CYP2D6: variants seen among roughly 807,000 people sequenced by gnomAD.
The protein encoded by CYP2D6 is cytochrome P450 2D6.
CYP2D6 carries 51 observed loss-of-function variants against 43.5 expected under a neutral mutation model. The observed-to-expected ratio is 1.17, with a 90% CI of 0.94 to 1.48. The LOEUF (loss-of-function observed/expected upper bound fraction) is 1.48, where lower values mean the gene tolerates loss of function less well. Ranked by LOEUF, CYP2D6 falls within the 40% of genes most tolerant of loss-of-function variation. CYP2D6 has a pLI of 0.00. For synonymous variants in CYP2D6, 346 were observed against 297.1 expected, an observed-to-expected ratio of 1.16 and a Z score of -1.69; for missense variants, 698 against 688.0, an observed-to-expected ratio of 1.01 and a Z score of -0.16.
intron 2 of CYP2D6, 181 bp from the exon 3 acceptor site, chr22:42,129,366 C>A: frequency 1.1e-6 from 1 of 928,754 alleles, no homozygotes; most frequent in Non-Finnish European, 1.7e-6. Flanking sequence ...TTTGCCCCAC[C>A]TCGTCTCTGC....
chr22:42,128,094 C>G, intron 5 of CYP2D6, 80 bp downstream of exon 5: 1 of 1,584,848 alleles, frequency 6.3e-7, no homozygotes, highest in Non-Finnish European at 8.6e-7. Context: ...ACTGGTCCAA[C>G]CTTTTGCCCA....
intron 1 of CYP2D6, 66 bp from the exon 2 acceptor site, chr22:42,129,975 A>C: frequency 6.9e-7 from 1 of 1,448,904 alleles, no homozygotes; most frequent in Non-Finnish European, 9.2e-7. Flanking sequence ...TCCTAGTCCT[A>C]TTTGAACCTT....
Position 42,128,825 on chromosome 22 carries a change from C to T in CYP2D6, c.625G>A (p.Ala209Thr), listed in dbSNP as rs1931457874. Residue 209 changes from alanine to threonine, a missense_variant, in exon 4 of 9, where the codon GCT becomes ACT. Ala to Thr is a moderately conservative substitution (Grantham distance 58, BLOSUM62 0). Transcript: ENST00000645361. The stretch of plus-strand genomic sequence containing the variant: ...GACTCCTCCTTCAGTCCCTCCTGAG[C>T]TAGGTCCAGCAGCCTGAGGAAGCGA... The part of the protein sequence containing the change: ...DPRFLRLLDL[A>T]QEGLKEESGF... The T allele has an allele frequency of 1.2e-6, 2 of 1,608,074 alleles. No individual in the cohort carries two copies. The highest frequency in any genetic ancestry group is 1.3e-5 in the African/African-American group (1 of 74,256).
In CYP2D6 at chr22:42,129,015, C is replaced by G; in HGVS notation, c.505+18G>C. On this transcript the variant is annotated intron_variant, in intron 3 of 8. Coordinates refer to ENST00000645361, the MANE Select transcript of CYP2D6 (RefSeq NM_000106.6). The stretch of plus-strand genomic sequence containing the variant: ...GCCTTCCCAGTTCCCGCTTTGTGCC[C>G]TTCTGCCCATCACCCACCGGAGTGG... 2 of 1,601,476 alleles carry G rather than the reference C, an allele frequency of 1.2e-6. No homozygotes were observed. The highest frequency in any genetic ancestry group is 1.7e-6 in the Non-Finnish European group (2 of 1,173,790).
rs762513657 is a variant in CYP2D6, at chr22:42,128,767, G to C, written c.666+17C>G. On this transcript the variant is annotated intron_variant, in intron 4 of 8. Coordinates refer to ENST00000645361, the MANE Select transcript of CYP2D6 (RefSeq NM_000106.6). ...GGAGCTCGCCCTGCAGAGACTCCTCGGTCTCTCGCTCCGCACCTCGCGCAG... is the reference window on the plus strand; with the variant it reads ...GGAGCTCGCCCTGCAGAGACTCCTCCGTCTCTCGCTCCGCACCTCGCGCAG... The C allele has an allele frequency of 3.8e-6, 6 of 1,565,146 alleles. No homozygotes were observed. Among genetic ancestry groups the C allele is most frequent in the East Asian group, 2.3e-5 (1 of 44,138 alleles).
rs1366549334 is a variant in CYP2D6 at position 42,128,910 on chromosome 22, T to C, written c.540A>G (p.Lys180=). The C allele has an allele frequency of 6.3e-7, 1 of 1,594,550 alleles. No individual in the cohort carries two copies. Among genetic ancestry groups the C allele is most frequent in the Non-Finnish European group, 8.5e-7 (1 of 1,170,692 alleles). The change falls in exon 4 of 9, where the codon AAA becomes AAG. Residue 180 remains lysine (K), a synonymous_variant. Transcript: ENST00000645361. ...GGGAGGCGATCACGTTGCTCACGGCTTTGTCCAAGAGACCGTTGGGGCGAA... is the reference window on the plus strand; with the variant it reads ...GGGAGGCGATCACGTTGCTCACGGCCTTGTCCAAGAGACCGTTGGGGCGAA... ...RPFRPNGLLD[K]AVSNVIASLT... is the part of the protein sequence containing the mutation.
chr22:42,129,162 G>T lies in CYP2D6; in HGVS notation c.376C>A (p.Pro126Thr), dbSNP rs80018788. 3.0e-5 allele frequency: 48 copies of T among 1,606,618 alleles called. 4 individuals carry two copies. Among genetic ancestry groups the T allele is most frequent in the Admixed American group, 1.0e-4 (6 of 59,882 alleles). ...SQGVFLARYG[P>T]AWREQRRFSV... is the part of the protein sequence containing the mutation. ...AAGCGCCTCTGCTCGCGCCACGCGGGCCCATAGCGCGCCAGGAACACCCCT... is the reference window on the plus strand; with the variant it reads ...AAGCGCCTCTGCTCGCGCCACGCGGTCCCATAGCGCGCCAGGAACACCCCT... Residue 126 changes from proline to threonine, a missense_variant, in exon 3 of 9, where the codon CCC (proline) becomes ACC (threonine). By Grantham distance (38) the Pro-to-Thr change is conservative. Around this residue, in one of 5 missense-constraint regions of CYP2D6, gnomAD observed 588 missense variants for 521.1 expected, o/e 1.13. Transcript: ENST00000645361.
In CYP2D6 at chr22:42,128,250, G is replaced by T; in HGVS notation, c.767C>A (p.Thr256Asn). ...TGGGTCCCAGGTCATCCTGTGCTCA[G>T]TTAGCAGCTCATCCAGCTGGGTCAG... ...AFLTQLDELL[T>N]EHRMTWDPAQ... Residue 256 changes from threonine (T) to asparagine (N), a missense_variant, in exon 5 of 9, where the codon ACT (threonine) becomes AAT (asparagine). By Grantham distance (65) the Thr-to-Asn change is moderately conservative. This residue lies in a region of CYP2D6 where 588 missense variants were observed against 521.1 expected (regional missense o/e 1.13). Transcript: ENST00000645361. 2.5e-6 allele frequency: 4 copies of T among 1,610,342 alleles called. No individual in the cohort carries two copies. Among genetic ancestry groups the T allele is most frequent in the Middle Eastern group, 1.7e-4 (1 of 6,052 alleles).
chr22:42,128,526 C>A (rs1257033734), intron 4 of CYP2D6, among the ~76,000 whole-genome samples, 176 bp from the exon 5 acceptor site: 1 of 150,684 alleles, frequency 6.6e-6, no homozygotes, highest in African/African-American at 2.5e-5. Flanking sequence ...GAGGAGAAAC[C>A]TAAAATCGAA....
At chr22:42,129,419 C>A in intron 2 of CYP2D6, 2 of 770,536 alleles carry the variant, frequency 2.6e-6, no homozygotes, top group South Asian at 1.5e-5. Context: ...CCCGCGGGCC[C>A]CGCGCCACCC....
rs531010318 is a variant in CYP2D6, at chr22:42,128,798, C to G, written c.652G>C (p.Gly218Arg). 1 of 1,607,220 alleles carries G rather than the reference C, an allele frequency of 6.2e-7. No individual in the cohort carries two copies. Among genetic ancestry groups the G allele is most frequent in the South Asian group, 1.1e-5 (1 of 90,174 alleles). Residue 218 changes from glycine (G) to arginine (R), a missense_variant, in exon 4 of 9, where the codon GGC becomes CGC. Transcript: ENST00000645361. Reference sequence around the variant, plus strand: ...TCGCTCCGCACCTCGCGCAGAAAGCCCGACTCCTCCTTCAGTCCCTCCTGA... The same window carrying G: ...TCGCTCCGCACCTCGCGCAGAAAGCGCGACTCCTCCTTCAGTCCCTCCTGA... Reference protein sequence around the residue: ...LAQEGLKEESGFLREVLNAVP... With the variant: ...LAQEGLKEESRFLREVLNAVP...
At position 42,127,938 on chromosome 22, in the gene CYP2D6, T is replaced by G. The variant is rs949717872; in HGVS notation, c.889A>C (p.Ile297Leu). ...ESSFNDENLR[I>L]VVADLFSAGM... ...GCAGAGAACAGGTCAGCCACCACTA[T>G]GCGCAGGTTCTCATCATTGAAGCTG... Residue 297 changes from isoleucine to leucine, a missense_variant, in exon 6 of 9, where the codon ATA becomes CTA. Ile to Leu is a conservative substitution (Grantham distance 5). Transcript: ENST00000645361. 1.9e-5 allele frequency: 31 copies of G among 1,611,168 alleles called. 1 individual carries two copies. The highest frequency in any genetic ancestry group is 2.6e-5 in the Non-Finnish European group (31 of 1,178,244).
rs769258 is a variant in CYP2D6 at position 42,130,761 on chromosome 22, C to T, written c.31G>A (p.Val11Met). Residue 11 changes from valine (V) to methionine (M), a missense_variant, in exon 1 of 9, where the codon GTG (valine) becomes ATG (methionine). Val to Met is a conservative substitution (Grantham distance 21). Around this residue, in one of 5 missense-constraint regions of CYP2D6, gnomAD observed 588 missense variants for 521.1 expected, o/e 1.13. Coordinates refer to ENST00000645361, the MANE Select transcript of CYP2D6 (RefSeq NM_000106.6). MGLEALVPLA[V>M]IVAIFLLLVD... is the part of the protein sequence containing the mutation. Reference sequence around the variant, plus strand: ...AGGAGCAGGAAGATGGCCACTATCACGGCCAGGGGCACCAGTGCTTCTAGC... The same window carrying T: ...AGGAGCAGGAAGATGGCCACTATCATGGCCAGGGGCACCAGTGCTTCTAGC... 0.048 allele frequency: 75,424 copies of T among 1,585,140 alleles called. 4,366 individuals are homozygous for T. Among genetic ancestry groups the T allele is most frequent in the Non-Finnish European group, 0.056 (64,745 of 1,164,296 alleles).
chr22:42,129,987 G>A, intron 1 of CYP2D6, 78 bp from the exon 2 acceptor site: 1 of 1,405,724 alleles, frequency 7.1e-7, no homozygotes, highest in Non-Finnish European at 9.6e-7. Context: ...TTGAACCTTG[G>A]ACGACCCCCG....
intron 6 of CYP2D6, 57 bp downstream of exon 6, chr22:42,127,785 G>T: frequency 6.3e-7 from 1 of 1,597,896 alleles, no homozygotes; most frequent in Non-Finnish European, 8.6e-7. Context: ...AAGTTCATGG[G>T]CCCCCGCCTG....
chr22:42,129,415 G>A (rs1413375184), intron 2 of CYP2D6: 2 of 779,834 alleles, frequency 2.6e-6, no homozygotes, highest in Admixed American at 2.0e-5. Context: ...AGACCCCGCG[G>A]GCCCCGCGCC....
At chr22:42,127,193 CCT>C (rs1351397021) in intron 7 of CYP2D6, among the ~76,000 whole-genome samples, 1 of 151,230 alleles carries the variant, frequency 6.6e-6, no homozygotes, top group Admixed American at 6.6e-5. Flanking sequence ...CACACTGCCC[CCT>C]CTCCCTGCAG....
chr22:42,128,753 T>G lies in CYP2D6; in HGVS notation c.666+31A>C, dbSNP rs564994275. On this transcript the variant is annotated intron_variant, in intron 4 of 8. Transcript: ENST00000645361. The stretch of plus-strand genomic sequence containing the variant: ...CCCGGCACCTCTCGGGAGCTCGCCC[T>G]GCAGAGACTCCTCGGTCTCTCGCTC... The G allele has an allele frequency of 2.8e-4, 445 of 1,593,004 alleles. 27 individuals carry two copies. In the South Asian group the frequency reaches 4.8e-3, roughly 17 times the overall value.
rs1602570721 is a variant in CYP2D6, at chr22:42,127,891, G to A, written c.936C>T (p.Thr312=). 6.2e-7 allele frequency: 1 copy of A among 1,610,976 alleles called. No homozygotes were observed. The highest frequency in any genetic ancestry group is 1.3e-5 in the African/African-American group (1 of 74,404). Reference sequence around the variant, plus strand: ...TGAGCAGGAGGCCCCAGGCCAGCGTGGTCGAGGTGGTCACCATCCCGGCAG... The same window carrying A: ...TGAGCAGGAGGCCCCAGGCCAGCGTAGTCGAGGTGGTCACCATCCCGGCAG... The part of the protein sequence containing the change: ...LFSAGMVTTS[T]TLAWGLLLMI... The change falls in exon 6 of 9, where the codon ACC becomes ACT. Residue 312 remains threonine, a synonymous_variant. Coordinates refer to ENST00000645361, the MANE Select transcript of CYP2D6 (RefSeq NM_000106.6).
Sources: gnomAD v4.1 joint callset for allele counts (sites outside exome capture counted in the v4.1 genomes callset) on GRCh38, gnomAD v4.1.1 for gene constraint, gnomAD v4.1.1 regional missense constraint, MANE v1.5 for transcripts, NCBI Gene and HGNC (gene_info 2026-07-23, HGNC 2026-07-21) for gene names.